Variants in LTN1 observed in about 807,000 individuals in gnomAD.
LTN1 encodes the protein listerin E3 ubiquitin protein ligase 1.
In LTN1, 88 loss-of-function variants were observed where a neutral mutation model predicts 201.2. The observed-to-expected ratio is 0.44, with a 90% CI of 0.37 to 0.52. LTN1 has a LOEUF of 0.52. Ranked by LOEUF, LTN1 falls within the 20% of genes least tolerant of loss-of-function variation. The probability of loss-of-function intolerance (pLI) is 0.00; values close to 1 mark genes in which losing one functional copy is unlikely to be tolerated. For synonymous variants in LTN1, 645 were observed against 713.5 expected, an observed-to-expected ratio of 0.90 and a Z score of 1.53; for missense variants, 1,752 against 2,038.7, an observed-to-expected ratio of 0.86 and a Z score of 2.71.
At position 28,960,384 on chromosome 21, in the gene LTN1, A is replaced by G. The variant is rs902893263; in HGVS notation, c.2353+133T>C. Reference sequence around the variant, plus strand: ...AAAAAAAAAGAAAAAAGAAAAGAAAAGAAAAAAAAAAATTTGAATGAGTAA... The same window carrying G: ...AAAAAAAAAGAAAAAAGAAAAGAAAGGAAAAAAAAAAATTTGAATGAGTAA... On this transcript the variant is annotated intron_variant, in intron 12 of 29. Coordinates refer to ENST00000361371, the MANE Select transcript of LTN1 (RefSeq NM_015565.3). 14 of 647,518 alleles carry G rather than the reference A, an allele frequency of 2.2e-5. No individual in the cohort carries two copies. The African/African-American group carries it at 2.3e-4, about 10-fold the overall frequency. 40.1% of individuals were successfully genotyped at this position (647,518 alleles called of 1,614,324 possible).
rs2084447623 is a variant in LTN1 at position 28,958,664 on chromosome 21, A to T, written c.2594-125T>A. 4 of 635,140 alleles carry T rather than the reference A, an allele frequency of 6.3e-6. No individual in the cohort carries two copies. The South Asian group carries it at 9.2e-5, about 15-fold the overall frequency. The allele number at this position is 635,140 out of a possible 1,614,324, so 39.3% of individuals were successfully genotyped here. On this transcript the variant is annotated intron_variant, in intron 13 of 29. Coordinates refer to ENST00000361371, the MANE Select transcript of LTN1 (RefSeq NM_015565.3). The stretch of plus-strand genomic sequence containing the variant: ...ATACCATTTAAAAAAGAAAAATTTT[A>T]AATTGCCATTCAAAATTCAATTGCC...
intron 24 of LTN1, among the ~76,000 whole-genome samples, chr21:28,942,001 C>G (rs949358965): frequency 2.6e-5 from 4 of 152,138 alleles, no homozygotes; most frequent in Non-Finnish European, 5.9e-5. Context: ...TTGAACTACT[C>G]TACTCATTTA....
chr21:28,931,095 G>A (rs1248184325), intron 29 of LTN1, 60 bp downstream of exon 29: 2 of 919,342 alleles, frequency 2.2e-6, no homozygotes, highest in East Asian at 5.0e-5. Context: ...GTGTGTGTGT[G>A]TGTGTTTATG....
At chr21:28,982,237 A>C (rs1291259020) in intron 5 of LTN1, 79 bp downstream of exon 5, 5 of 1,294,530 alleles carry the variant, frequency 3.9e-6, no homozygotes, top group African/African-American at 3.0e-5. Flanking sequence ...CAAAAACAAA[A>C]AGTCACATTG....
rs373356896 is a variant in LTN1 at position 28,982,411 on chromosome 21, T to C, written c.577-43A>G. 202 of 1,425,294 alleles carry C rather than the reference T, an allele frequency of 1.4e-4. 2 individuals carry two copies. In the Admixed American group the frequency reaches 2.8e-3, roughly 19 times the overall value. 88.3% of individuals were successfully genotyped at this position (1,425,294 alleles called of 1,614,324 possible). A position where few individuals can be genotyped will look rare whatever the true frequency, so the allele number is the denominator to read the frequency against. On this transcript the variant is annotated intron_variant, in intron 4 of 29. Transcript: ENST00000361371. ...ACCAAAGCCTTTGGTTTTACTGAAC[T>C]GTCAATGGTGAACAGACAGAGCCTA...
chr21:28,969,967 C>G lies in LTN1; in HGVS notation c.1176-366G>C, dbSNP rs577399674. Among the ~76,000 whole-genome samples the G allele has an allele frequency of 2.6e-3, 401 of 151,954 alleles. 2 individuals carry two copies. The highest frequency in any genetic ancestry group is 3.4e-3 in the Non-Finnish European group (231 of 67,978). On this transcript the variant is annotated intron_variant, in intron 8 of 29. Coordinates refer to ENST00000361371, the MANE Select transcript of LTN1 (RefSeq NM_015565.3). ...TGCTAGGATTACAGCTGTGAGGCACCACGCCTAGCCGAGATATTAATTTTC... is the reference window on the plus strand; with the variant it reads ...TGCTAGGATTACAGCTGTGAGGCACGACGCCTAGCCGAGATATTAATTTTC...
At chr21:28,971,986 C>T (rs1449481473) in intron 6 of LTN1, among the ~76,000 whole-genome samples, 1 of 152,150 alleles carries the variant, frequency 6.6e-6, no homozygotes, top group African/African-American at 2.4e-5. Context: ...AAGAACAATG[C>T]AATGGTCTGA....
At chr21:28,977,892 C>A (rs1467355202) in intron 6 of LTN1, among the ~76,000 whole-genome samples, 1 of 150,776 alleles carries the variant, frequency 6.6e-6, no homozygotes. Context: ...CGTGCCACTG[C>A]ACTTCAGCCT....
chr21:28,974,485 G>T (rs2084599574), intron 6 of LTN1, among the ~76,000 whole-genome samples: 1 of 152,192 alleles, frequency 6.6e-6, no homozygotes, highest in African/African-American at 2.4e-5. Context: ...TTTTAGAAGA[G>T]AATCAAACTG....
At chr21:28,982,136 G>C (rs934344517) in intron 5 of LTN1, among the ~76,000 whole-genome samples, 180 bp downstream of exon 5, 5 of 152,112 alleles carry the variant, frequency 3.3e-5, no homozygotes, top group Non-Finnish European at 5.9e-5. Flanking sequence ...AGAATCATTT[G>C]AACCCAGAAG....
chr21:28,950,336 G>A (rs1446652925), intron 18 of LTN1, among the ~76,000 whole-genome samples: 1 of 151,952 alleles, frequency 6.6e-6, no homozygotes, highest in East Asian at 1.9e-4. Context: ...TGATTACTAT[G>A]GGTAAATAAG....
intron 21 of LTN1, 121 bp from the exon 22 acceptor site, chr21:28,944,717 G>A (rs1334752743): frequency 4.3e-6 from 3 of 689,992 alleles, no homozygotes; most frequent in African/African-American, 3.6e-5. Context: ...AAGCAGTTGA[G>A]GTGTGTAATC....
intron 25 of LTN1, among the ~76,000 whole-genome samples, chr21:28,939,439 A>G (rs2084280538): frequency 6.6e-6 from 1 of 152,244 alleles, no homozygotes; most frequent in South Asian, 2.1e-4. Context: ...AAACATACAC[A>G]TGTACATATA....
intron 8 of LTN1, 56 bp from the exon 9 acceptor site, chr21:28,969,657 G>T: frequency 7.2e-7 from 1 of 1,381,300 alleles, no homozygotes; most frequent in Non-Finnish European, 9.8e-7. Context: ...CAAGAACTCA[G>T]AATTATCAAA....
Position 28,965,856 on chromosome 21 carries a change from C to A in LTN1, c.2163+9G>T. The stretch of plus-strand genomic sequence containing the variant: ...CAAAAAAAAAAAGAAAAAAAAATCC[C>A]TAAGATACCTTTTCAATAATCTTAA... On this transcript the variant is annotated intron_variant, in intron 11 of 29. Coordinates refer to ENST00000361371, the MANE Select transcript of LTN1 (RefSeq NM_015565.3). 2.1e-6 allele frequency: 3 copies of A among 1,416,140 alleles called. No homozygotes were observed. Among genetic ancestry groups the A allele is most frequent in the Non-Finnish European group, 9.7e-7 (1 of 1,028,398 alleles). 87.7% of individuals were successfully genotyped at this position (1,416,140 alleles called of 1,614,324 possible). A position where few individuals can be genotyped will look rare whatever the true frequency, so the allele number is the denominator to read the frequency against.
intron 18 of LTN1, among the ~76,000 whole-genome samples, chr21:28,951,871 G>A (rs941573975): frequency 1.3e-5 from 2 of 152,112 alleles, no homozygotes; most frequent in African/African-American, 4.8e-5. Flanking sequence ...TCAGGAGGGT[G>A]TGGTGGGAGG....
rs745501988 is a variant in LTN1, at chr21:28,981,229, T to A, written c.700A>T (p.Arg234Ter). The A allele has an allele frequency of 1.3e-6, 2 of 1,596,586 alleles. No individual in the cohort carries two copies. Among genetic ancestry groups the A allele is most frequent in the Non-Finnish European group, 8.5e-7 (1 of 1,174,898 alleles). The change falls in exon 6 of 30, where the codon AGA becomes TGA. Residue 234 changes from arginine (R) to a stop codon, truncating the protein, a stop_gained. Coordinates refer to ENST00000361371, the MANE Select transcript of LTN1 (RefSeq NM_015565.3). LOFTEE classifies it high-confidence loss of function. ...VVTCSLLALK[R>*]LLCLLPDNEL... ...TTATCAGGTAAAAGGCAAAGTAATC[T>A]CTTTAATGCCAATAAGGAACAAGTT...
intron 24 of LTN1, among the ~76,000 whole-genome samples, chr21:28,941,747 T>G (rs1479327327): frequency 6.6e-6 from 1 of 152,178 alleles, no homozygotes; most frequent in African/African-American, 2.4e-5. Context: ...ACCCGGCCTT[T>G]TATCATCTTA....
chr21:28,986,666 C>T lies in LTN1; in HGVS notation c.246+65G>A. ...TTCATTTTTCTTTACATAAAACATG[C>T]TAATGACATTTTATTTTAACAAAGG... is the stretch of plus-strand genomic sequence containing the variant. On this transcript the variant is annotated intron_variant, in intron 2 of 29. Coordinates refer to ENST00000361371, the MANE Select transcript of LTN1 (RefSeq NM_015565.3). This position sits in a 1 kb window ranked among gnomAD's most constrained non-coding sequence, Gnocchi z 4.1. The T allele has an allele frequency of 8.1e-7, 1 of 1,229,896 alleles. No homozygotes were observed. Among genetic ancestry groups the T allele is most frequent in the Non-Finnish European group, 1.2e-6 (1 of 846,334 alleles). The allele number at this position is 1,229,896 out of a possible 1,614,324, so 76.2% of individuals were successfully genotyped here.
Sources: allele counts gnomAD v4.1 joint callset (sites outside exome capture counted in the v4.1 genomes callset), GRCh38; gene constraint gnomAD v4.1.1; non-coding constraint Gnocchi (gnomAD v3.1); transcripts MANE v1.5; gene names NCBI Gene and HGNC (gene_info 2026-07-23, HGNC 2026-07-21).